PAQR9: variants seen among roughly 807,000 people sequenced by gnomAD.
PAQR9 encodes progestin and adipoQ receptor family member 9, also known as membrane progestin receptor epsilon.
Under a neutral mutation model 24.0 loss-of-function variants are expected in PAQR9, and 12 were observed. That is an observed-to-expected ratio of 0.50 (90% CI 0.32 to 0.81). PAQR9 has a LOEUF of 0.81. PAQR9 is among the 30% of genes least tolerant of loss of function. PAQR9 has a pLI of 0.03. For synonymous variants in PAQR9, 266 were observed against 237.6 expected (o/e 1.12, Z -1.10); for missense variants, 418 against 520.8 (o/e 0.80, Z 1.92).
chr3:142,962,504 T>C lies in PAQR9; in HGVS notation c.833A>G (p.Tyr278Cys). The change falls in exon 1 of 1, where the codon TAC becomes TGC. Residue 278 changes from tyrosine to cysteine, a missense_variant. Transcript: ENST00000340634. Reference sequence around the variant, plus strand: ...CACCACCAGCCAGAAGTAGCGGCGGTAGAAGTGCACGAAGAGTGTGGGGTT... The same window carrying C: ...CACCACCAGCCAGAAGTAGCGGCGGCAGAAGTGCACGAAGAGTGTGGGGTT... The part of the protein sequence containing the change: ...GENPTLFVHF[Y>C]RRYFWLVVAA... The C allele has an allele frequency of 1.2e-6, 2 of 1,611,872 alleles. No individual in the cohort carries two copies. Among genetic ancestry groups the C allele is most frequent in the Non-Finnish European group, 1.7e-6 (2 of 1,179,098 alleles).
Position 142,957,030 on chromosome 3 carries a change from T to C in PAQR9, c.*5173A>G, listed in dbSNP as rs117524410. Among the ~76,000 whole-genome samples the C allele has an allele frequency of 3.9e-4, 60 of 152,352 alleles. 1 individual carries two copies. The East Asian group carries it at 9.1e-3, about 23-fold the overall frequency. On this transcript the variant is annotated 3_prime_UTR_variant, in exon 1 of 1. Coordinates refer to ENST00000340634, the MANE Select transcript of PAQR9 (RefSeq NM_198504.4). ...CTTGTTCGCTTTTTGTCAGGTGATA[T>C]ATGTCAGAGAATATTGACAATCCTT...
At chr3:142,951,132 G>A (rs145652797), downstream of PAQR9, among the ~76,000 whole-genome samples, 561 of 152,202 alleles carry the variant, frequency 3.7e-3, 3 homozygotes, top group African/African-American at 0.012. Flanking sequence ...GCCCAGGCTG[G>A]TGTCAAACTC....
chr3:142,955,442 T>TAA lies in PAQR9; in HGVS notation c.*6759_*6760dup, dbSNP rs150071656. 0.021 allele frequency among the ~76,000 whole-genome samples: 461 copies of TAA among 21,656 alleles called. 67 individuals are homozygous for TAA. The highest frequency in any genetic ancestry group is 0.037 in the Non-Finnish European group (369 of 9,958). 14.2% of individuals were successfully genotyped at this position (21,656 alleles called of 152,430 possible). ...GAGCGACCACATGGTCTATACAAAT[T>TAA]AAAAAAAAAAAAAAAAAAAAAAAAA... is the stretch of plus-strand genomic sequence containing the variant. On this transcript the variant is annotated 3_prime_UTR_variant, in exon 1 of 1. Transcript: ENST00000340634.
At position 142,962,204 on chromosome 3, in the gene PAQR9, C is replaced by T. The variant is rs1337024420; in HGVS notation, c.1133G>A (p.Ter378=). 6.2e-7 allele frequency: 1 copy of T among 1,613,134 alleles called. No homozygotes were observed. The highest frequency in any genetic ancestry group is 1.7e-5 in the Admixed American group (1 of 60,028). ...AGTAGTCTCCTCCAAGGCGGAGGCT[C>T]ACTTTTTACTGCAGAATTCGGAGCT... is the stretch of plus-strand genomic sequence containing the variant. ...LNSSEFCSKK[*] The change falls in exon 1 of 1, where the codon TGA becomes TAA. Residue 378 remains the stop codon, a stop_retained_variant. Coordinates refer to ENST00000340634, the MANE Select transcript of PAQR9 (RefSeq NM_198504.4).
At position 142,963,585 on chromosome 3, in the gene PAQR9, G is replaced by A. The variant is rs962777708; in HGVS notation, c.-249C>T. 1.1e-6 allele frequency: 1 copy of A among 901,750 alleles called. No homozygotes were observed. Among genetic ancestry groups the A allele is most frequent in the African/African-American group, 1.8e-5 (1 of 55,360 alleles). The allele number at this position is 901,750 out of a possible 1,614,324, so 55.9% of individuals were successfully genotyped here. A position where few individuals can be genotyped will look rare whatever the true frequency, so the allele number is the denominator to read the frequency against. On this transcript the variant is annotated 5_prime_UTR_variant, in exon 1 of 1. Coordinates refer to ENST00000340634, the MANE Select transcript of PAQR9 (RefSeq NM_198504.4). ...GCGCGCGAGGCTCAGCGGCTTCCTC[G>A]CCAAGCCCCTGCTACCGGCGCGCGG...
Position 142,955,443 on chromosome 3 carries a change from A to T in PAQR9, c.*6760T>A, listed in dbSNP as rs567747825. Among the ~76,000 whole-genome samples, 58 of 11,660 alleles carry T rather than the reference A, an allele frequency of 5.0e-3. No homozygotes were observed. The highest frequency in any genetic ancestry group is 0.028 in the African/African-American group (55 of 1,988). The allele number at this position is 11,660 out of a possible 152,430, so 7.6% of individuals were successfully genotyped here. A position where few individuals can be genotyped will look rare whatever the true frequency, so the allele number is the denominator to read the frequency against. On this transcript the variant is annotated 3_prime_UTR_variant, in exon 1 of 1. Coordinates refer to ENST00000340634, the MANE Select transcript of PAQR9 (RefSeq NM_198504.4). ...AGCGACCACATGGTCTATACAAATT[A>T]AAAAAAAAAAAAAAAAAAAAAAAAA... is the stretch of plus-strand genomic sequence containing the variant.
upstream of PAQR9, chr3:142,963,887 C>T (rs1234149928): frequency 4.1e-6 from 4 of 985,214 alleles, no homozygotes; most frequent in Non-Finnish European, 4.8e-6. Flanking sequence ...CCCGGGCCGC[C>T]CCGTTAATGA....
chr3:142,963,979 G>T, upstream of PAQR9: 11 of 716,346 alleles, frequency 1.5e-5, no homozygotes, highest in Non-Finnish European at 1.7e-5. Flanking sequence ...TTCGAAACCC[G>T]ACAGCCACGC....
downstream of PAQR9, chr3:142,952,753 A>G (rs1934733860): frequency 2.2e-6 from 1 of 456,562 alleles, no homozygotes; most frequent in Non-Finnish European, 4.4e-6. Context: ...GGATTCCAGG[A>G]AAAAACAAGA....
chr3:142,951,814 A>G, downstream of PAQR9: 1 of 456,100 alleles, frequency 2.2e-6, no homozygotes, highest in Non-Finnish European at 4.4e-6. Flanking sequence ...AGACTGTAAA[A>G]GAGTAGTACA....
rs1578081890 is a variant in PAQR9 at position 142,962,271 on chromosome 3, G to C, written c.1066C>G (p.Leu356Val). The C allele has an allele frequency of 1.9e-6, 3 of 1,614,090 alleles. No individual in the cohort carries two copies. Among genetic ancestry groups the C allele is most frequent in the Non-Finnish European group, 2.5e-6 (3 of 1,179,974 alleles). ...ATTACCAGCCCCAGGCAGACCACCA[G>C]CAGCAGCATGTAGCCCACAGTACCC... The part of the protein sequence containing the change: ...FSGTVGYMLL[L>V]VVCLGLVIRK... Residue 356 changes from leucine (L) to valine (V), a missense_variant, in exon 1 of 1, where the codon CTG becomes GTG. By Grantham distance (32) the Leu-to-Val change is conservative (BLOSUM62 1). Transcript: ENST00000340634.
At position 142,956,991 on chromosome 3, in the gene PAQR9, T is replaced by G. The variant is rs1253175598; in HGVS notation, c.*5212A>C. The stretch of plus-strand genomic sequence containing the variant: ...CTCCAACCACTGAATGCTTCCTTTT[T>G]CAGTTTGTCTAGGCTTGTTCGCTTT... On this transcript the variant is annotated 3_prime_UTR_variant, in exon 1 of 1. Transcript: ENST00000340634. Among the ~76,000 whole-genome samples the G allele has an allele frequency of 6.6e-6, 1 of 152,248 alleles. No homozygotes were observed. The highest frequency in any genetic ancestry group is 1.9e-4 in the East Asian group (1 of 5,200).
Position 142,955,542 on chromosome 3 carries a change from G to A in PAQR9, c.*6661C>T, listed in dbSNP as rs968690355. ...GCCTTTTTCTGGTCCATATAGTGAT[G>A]GCATGGGGCTTATTCTTCTTTCTAT... is the stretch of plus-strand genomic sequence containing the variant. On this transcript the variant is annotated 3_prime_UTR_variant, in exon 1 of 1. Transcript: ENST00000340634. Among the ~76,000 whole-genome samples, 1 of 148,970 alleles carries A rather than the reference G, an allele frequency of 6.7e-6. No individual in the cohort carries two copies. Among genetic ancestry groups the A allele is most frequent in the African/African-American group, 2.5e-5 (1 of 40,540 alleles).
rs1408378841 is a variant in PAQR9, at chr3:142,962,716, G to T, written c.621C>A (p.Ala207=). The stretch of plus-strand genomic sequence containing the variant: ...CAGGCAGCACCAGGGCGCGGTAGGC[G>T]GCGATAAGGCGCGTGCAGTCCACGT... ...GWHVDCTRLI[A]AYRALVLPVA... The change falls in exon 1 of 1, where the codon GCC becomes GCA. Residue 207 remains alanine, a synonymous_variant. Coordinates refer to ENST00000340634, the MANE Select transcript of PAQR9 (RefSeq NM_198504.4). 3 of 1,612,612 alleles carry T rather than the reference G, an allele frequency of 1.9e-6. No homozygotes were observed. Among genetic ancestry groups the T allele is most frequent in the South Asian group, 2.2e-5 (2 of 90,920 alleles).
At position 142,956,498 on chromosome 3, in the gene PAQR9, A is replaced by G. The variant is rs926865299; in HGVS notation, c.*5705T>C. On this transcript the variant is annotated 3_prime_UTR_variant, in exon 1 of 1. Transcript: ENST00000340634. ...AGAACAAAAGCATTAAAGCAAGTGC[A>G]TTACATTTAGAAGCACAATACATTG... 6.6e-5 allele frequency among the ~76,000 whole-genome samples: 10 copies of G among 152,372 alleles called. No homozygotes were observed. The highest frequency in any genetic ancestry group is 6.8e-3 in the Middle Eastern group (2 of 294).
rs762122379 is a variant in PAQR9 at position 142,963,116 on chromosome 3, A to G, written c.221T>C (p.Leu74Pro). 6.8e-6 allele frequency: 11 copies of G among 1,613,426 alleles called. No individual in the cohort carries two copies. The highest frequency in any genetic ancestry group is 8.5e-6 in the Non-Finnish European group (10 of 1,179,770). Residue 74 changes from leucine (L) to proline (P), a missense_variant, in exon 1 of 1, where the codon CTA becomes CCA. Transcript: ENST00000340634. The stretch of plus-strand genomic sequence containing the variant: ...GTTGGTAGGCTTCAGCACCGAGGCT[A>G]GGCACTCCTGGGCCGTGCACGGCAG... ...RRLPCTAQEC[L>P]ASVLKPTNET...
chr3:142,954,267 T>C (rs1934760090), downstream of PAQR9, among the ~76,000 whole-genome samples: 1 of 152,236 alleles, frequency 6.6e-6, no homozygotes, highest in African/African-American at 2.4e-5. Flanking sequence ...ATGGACTCTA[T>C]ATGCTTTTGA....
chr3:142,951,669 T>G, downstream of PAQR9: 1 of 455,796 alleles, frequency 2.2e-6, no homozygotes, highest in African/African-American at 2.0e-5. Context: ...AGAATGTCTC[T>G]AAATTGAGCA....
At chr3:142,952,304 A>T (rs533526794), downstream of PAQR9, among the ~76,000 whole-genome samples, 1 of 152,266 alleles carries the variant, frequency 6.6e-6, no homozygotes, top group African/African-American at 2.4e-5. Flanking sequence ...TGCAATAAAG[A>T]ATGGGAGAGA....
Sources: gnomAD v4.1 joint callset for allele counts (sites outside exome capture counted in the v4.1 genomes callset) on GRCh38, gnomAD v4.1.1 for gene constraint, MANE v1.5 for transcripts, NCBI Gene and HGNC (gene_info 2026-07-23, HGNC 2026-07-21) for gene names.